SUGCT: variants seen among roughly 807,000 people sequenced by gnomAD.
SUGCT encodes succinyl-CoA:glutarate CoA-transferase.
Under a neutral mutation model 55.0 loss-of-function variants are expected in SUGCT, and 41 were observed. That is an observed-to-expected ratio of 0.74 (90% CI 0.58 to 0.97). The LOEUF (loss-of-function observed/expected upper bound fraction) is 0.97, where lower values mean the gene tolerates loss of function less well. Ranked by LOEUF, SUGCT falls within the 50% of genes least tolerant of loss-of-function variation. The pLI is 0.00. For missense variants in SUGCT, 568 were observed against 547.8 expected (o/e 1.04, Z -0.37); for synonymous variants, 187 against 200.4 (o/e 0.93, Z 0.56).
intron 13 of SUGCT, among the ~76,000 whole-genome samples, chr7:40,855,811 C>T (rs574604639): frequency 3.9e-5 from 6 of 152,264 alleles, no homozygotes; most frequent in Admixed American, 3.3e-4. Context: ...GTTGGAGTAT[C>T]GAGGGCTTTG....
At chr7:40,312,747 A>G (rs1424983293) in intron 8 of SUGCT, among the ~76,000 whole-genome samples, 1 of 152,142 alleles carries the variant, frequency 6.6e-6, no homozygotes, top group Non-Finnish European at 1.5e-5. Flanking sequence ...GTTGAAATAG[A>G]CTTTGAAGAA....
chr7:40,709,867 G>A (rs1378756647), intron 12 of SUGCT, among the ~76,000 whole-genome samples: 1 of 152,198 alleles, frequency 6.6e-6, no homozygotes, highest in Non-Finnish European at 1.5e-5. Context: ...CAGATCTGGG[G>A]TGAAGCTCAA....
chr7:40,153,710 C>T, intron 1 of SUGCT: 1 of 494,026 alleles, frequency 2.0e-6, no homozygotes, highest in Non-Finnish European at 4.1e-6. Flanking sequence ...GATAATAATC[C>T]TCTGGTTGTG....
At chr7:40,591,964 T>C (rs1040612919) in intron 12 of SUGCT, among the ~76,000 whole-genome samples, 1 of 152,226 alleles carries the variant, frequency 6.6e-6, no homozygotes, top group Non-Finnish European at 1.5e-5. Context: ...ATACTTGCTT[T>C]ATTGTGATAT....
At position 40,860,684 on chromosome 7, in the gene SUGCT, A is replaced by G. The variant is rs556642675; in HGVS notation, c.*205A>G. ...TGTATCCCACGTTTTGTTCCCTACC[A>G]TCTTTTTTTTCAGATGATGATTTCA... On this transcript the variant is annotated 3_prime_UTR_variant, in exon 14 of 14. Coordinates refer to ENST00000335693, the MANE Select transcript of SUGCT (RefSeq NM_001193313.2). 2 of 410,846 alleles carry G rather than the reference A, an allele frequency of 4.9e-6. No homozygotes were observed. Among genetic ancestry groups the G allele is most frequent in the African/African-American group, 2.0e-5 (1 of 48,968 alleles). The allele number at this position is 410,846 out of a possible 1,614,324, so 25.5% of individuals were successfully genotyped here. A position where few individuals can be genotyped will look rare whatever the true frequency, so the allele number is the denominator to read the frequency against.
chr7:40,662,100 G>T (rs1237730915), intron 12 of SUGCT, among the ~76,000 whole-genome samples: 1 of 152,188 alleles, frequency 6.6e-6, no homozygotes, highest in Non-Finnish European at 1.5e-5. Flanking sequence ...TCTCTTTTCA[G>T]CAAATGGTGC....
At chr7:40,913,326 C>A in the SUGCT span, among the ~76,000 whole-genome samples, 1 of 152,270 alleles carries the variant, frequency 6.6e-6, no homozygotes, top group African/African-American at 2.4e-5. Context: ...TTTTATAACA[C>A]ATCCTGGTTT....
intron 9 of SUGCT, among the ~76,000 whole-genome samples, chr7:40,420,081 C>G (rs978271712): frequency 6.6e-6 from 1 of 152,090 alleles, no homozygotes; most frequent in African/African-American, 2.4e-5. Flanking sequence ...AGTTGAGATA[C>G]TGCAGGCTGC....
the SUGCT span, among the ~76,000 whole-genome samples, chr7:40,948,450 TG>T: frequency 6.6e-6 from 1 of 151,742 alleles, no homozygotes; most frequent in African/African-American, 2.4e-5. Flanking sequence ...ATGATGATGA[TG>T]ATGATGATGA....
At chr7:41,032,717 A>G in the SUGCT span, among the ~76,000 whole-genome samples, 1,107 of 152,268 alleles carry the variant, frequency 7.3e-3, 11 homozygotes, top group African/African-American at 0.025. Flanking sequence ...AGGCTCCTGA[A>G]GTGAGTGCTT....
At chr7:40,189,398 CTTTT>C in intron 4 of SUGCT, 142 bp from the exon 5 acceptor site, 1 of 142,372 alleles carries the variant, frequency 7.0e-6, no homozygotes, top group Non-Finnish European at 1.4e-5. Flanking sequence ...AATACACATA[CTTTT>C]TTTTTTTTTT....
intron 12 of SUGCT, among the ~76,000 whole-genome samples, chr7:40,641,891 C>T (rs1295719840): frequency 4.6e-5 from 7 of 152,086 alleles, no homozygotes; most frequent in Non-Finnish European, 7.4e-5. Context: ...TTTCTTTAAA[C>T]GTGAGCCAGT....
the SUGCT span, among the ~76,000 whole-genome samples, chr7:40,909,750 G>A: frequency 6.6e-6 from 1 of 152,134 alleles, no homozygotes; most frequent in Non-Finnish European, 1.5e-5. Context: ...AGACAGACCG[G>A]CTCCAAGGTT....
chr7:40,928,960 T>G, the SUGCT span, among the ~76,000 whole-genome samples: 990 of 152,286 alleles, frequency 6.5e-3, 5 homozygotes, highest in Non-Finnish European at 9.1e-3. Context: ...GTACTTTAAG[T>G]TCTAGGGTAC....
intron 13 of SUGCT, among the ~76,000 whole-genome samples, chr7:40,789,939 C>A (rs546032050): frequency 6.6e-6 from 1 of 152,150 alleles, no homozygotes; most frequent in East Asian, 1.9e-4. Flanking sequence ...ACTAGTAATG[C>A]CCCAGGAAAA....
chr7:40,886,154 T>C, the SUGCT span, among the ~76,000 whole-genome samples: 89 of 152,266 alleles, frequency 5.8e-4, no homozygotes, highest in African/African-American at 2.0e-3. Context: ...AAACAATGCA[T>C]GATAGAGTAG....
At chr7:40,219,065 C>T (rs1043017243) in intron 6 of SUGCT, among the ~76,000 whole-genome samples, 61 of 152,182 alleles carry the variant, frequency 4.0e-4, no homozygotes, top group African/African-American at 1.5e-3. Context: ...TCTGCAGCTT[C>T]ACTCCTGAAG....
At chr7:40,312,426 C>T (rs562109896) in intron 8 of SUGCT, among the ~76,000 whole-genome samples, 8 of 151,888 alleles carry the variant, frequency 5.3e-5, no homozygotes, top group African/African-American at 1.9e-4. Flanking sequence ...TGCTTCTCAA[C>T]TCTGGTGTGC....
the SUGCT span, among the ~76,000 whole-genome samples, chr7:40,951,114 T>C: frequency 6.6e-6 from 1 of 152,122 alleles, no homozygotes; most frequent in Non-Finnish European, 1.5e-5. Context: ...TGGTAGGCTA[T>C]TAATTATTGC....
Sources: allele counts gnomAD v4.1 joint callset (sites outside exome capture counted in the v4.1 genomes callset), GRCh38; gene constraint gnomAD v4.1.1; transcripts MANE v1.5; gene names NCBI Gene and HGNC (gene_info 2026-07-23, HGNC 2026-07-21).